SGCZ: variants seen among roughly 807,000 people sequenced by gnomAD.
SGCZ encodes the protein zeta-sarcoglycan.
In SGCZ, 40 loss-of-function variants were observed where a neutral mutation model predicts 41.3. The ratio of observed to expected loss-of-function variants is 0.97; its 90% CI spans 0.75 to 1.26. SGCZ has a LOEUF of 1.26. Ranked by LOEUF, SGCZ falls within the 50% of genes most tolerant of loss-of-function variation. The probability of loss-of-function intolerance (pLI) is 0.00; values close to 1 mark genes in which losing one functional copy is unlikely to be tolerated. For synonymous variants in SGCZ, 206 were observed against 137.5 expected (o/e 1.50, Z -3.49); for missense variants, 552 against 369.8 (o/e 1.49, Z -4.04).
chr8:14,394,848 C>G (rs1798862541), intron 2 of SGCZ, among the ~76,000 whole-genome samples: 1 of 152,024 alleles, frequency 6.6e-6, no homozygotes, highest in Non-Finnish European at 1.5e-5. Context: ...AATGTTGGAA[C>G]CATTCATGCT....
chr8:15,142,959 C>G (rs1798934951), intron 1 of SGCZ, among the ~76,000 whole-genome samples: 1 of 152,068 alleles, frequency 6.6e-6, no homozygotes, highest in African/African-American at 2.4e-5. Flanking sequence ...TTTTATGGTA[C>G]ACTGAAAAAT....
intron 2 of SGCZ, among the ~76,000 whole-genome samples, chr8:14,388,324 C>G (rs1371648472): frequency 6.6e-6 from 1 of 151,990 alleles, no homozygotes; most frequent in African/African-American, 2.4e-5. Flanking sequence ...GGCCTAGGAG[C>G]TGGGCATCTG....
chr8:14,897,229 T>C (rs191743886), intron 1 of SGCZ, among the ~76,000 whole-genome samples: 104 of 152,296 alleles, frequency 6.8e-4, no homozygotes, highest in Non-Finnish European at 1.1e-3. Flanking sequence ...TCAAAGGAAA[T>C]GGTTGGTGAA....
At position 14,956,893 on chromosome 8, in the gene SGCZ, A is replaced by G. The variant is rs1378203172; in HGVS notation, c.39+280692T>C. Among the ~76,000 whole-genome samples the G allele has an allele frequency of 2.6e-5, 4 of 152,280 alleles. No individual in the cohort carries two copies. In the East Asian group the frequency reaches 5.8e-4, roughly 22 times the overall value. On this transcript the variant is annotated intron_variant, in intron 1 of 7. Coordinates refer to ENST00000382080, the MANE Select transcript of SGCZ (RefSeq NM_139167.4). ...TTTTACCTTTTGTCTGGTATTTGGA[A>G]CTGGCAGTCCTTTTTAATTGACAGC...
chr8:15,199,492 T>C (rs559704523), intron 1 of SGCZ, among the ~76,000 whole-genome samples: 114 of 152,300 alleles, frequency 7.5e-4, no homozygotes, highest in African/African-American at 2.4e-3. Context: ...CTCAAAATCA[T>C]TGTCACTCTG....
chr8:14,602,122 AAAAATAAAATAAAATAAT>A (rs1255232878), intron 1 of SGCZ, among the ~76,000 whole-genome samples: 2 of 151,962 alleles, frequency 1.3e-5, no homozygotes, highest in African/African-American at 4.8e-5. Context: ...TCCGTCTGAA[AAAAATAAAATAAAATAAT>A]AAAATAAAAT....
intron 1 of SGCZ, among the ~76,000 whole-genome samples, chr8:14,782,529 C>G (rs1002668507): frequency 6.6e-6 from 1 of 152,136 alleles, no homozygotes; most frequent in Non-Finnish European, 1.5e-5. Context: ...ATAGTCAAAG[C>G]ATTTTGCAGA....
chr8:14,506,416 C>G (rs190516716), intron 2 of SGCZ, among the ~76,000 whole-genome samples: 2 of 152,114 alleles, frequency 1.3e-5, no homozygotes, highest in East Asian at 3.9e-4. Context: ...CATCATTTCC[C>G]CTCTCTACGG....
At chr8:14,595,400 A>AACAGACAC (rs1554459943) in intron 1 of SGCZ, among the ~76,000 whole-genome samples, 10 of 136,316 alleles carry the variant, frequency 7.3e-5, no homozygotes, top group Non-Finnish European at 1.4e-4. Flanking sequence ...AACATGCACA[A>AACAGACAC]ACACACACAC....
At chr8:14,373,814 A>C (rs1804003126) in intron 2 of SGCZ, among the ~76,000 whole-genome samples, 1 of 152,004 alleles carries the variant, frequency 6.6e-6, no homozygotes, top group African/African-American at 2.4e-5. Flanking sequence ...ATAGCAGAGA[A>C]CTGGAATGAA....
At chr8:14,955,274 G>A (rs542686269) in intron 1 of SGCZ, among the ~76,000 whole-genome samples, 121 of 152,256 alleles carry the variant, frequency 7.9e-4, no homozygotes, top group Middle Eastern at 6.8e-3. Flanking sequence ...ATGTTGATGT[G>A]TGTAGCTATA....
At chr8:14,565,696 C>G (rs1202146235) in intron 1 of SGCZ, among the ~76,000 whole-genome samples, 2 of 152,036 alleles carry the variant, frequency 1.3e-5, no homozygotes, top group Admixed American at 1.3e-4. Flanking sequence ...AACAAGAAAA[C>G]ATATTTGAAA....
intron 7 of SGCZ, among the ~76,000 whole-genome samples, chr8:14,095,226 C>CTAAGT (rs1801806767): frequency 6.6e-6 from 1 of 152,068 alleles, no homozygotes; most frequent in Non-Finnish European, 1.5e-5. Context: ...ATGGCATTGC[C>CTAAGT]TAAGTTTTCT....
Position 14,668,125 on chromosome 8 carries a change from ATTG to A in SGCZ, c.40-113202_40-113200del, listed in dbSNP as rs1393841858. On this transcript the variant is annotated intron_variant, in intron 1 of 7. Transcript: ENST00000382080. ...GCACCCCCGCCACCACACCCAGCTAATTGTTGTATTTTTAGTAGAGACGGGGGA... is the reference window on the plus strand; with the variant it reads ...GCACCCCCGCCACCACACCCAGCTAATTGTATTTTTAGTAGAGACGGGGGA... 3.9e-5 allele frequency among the ~76,000 whole-genome samples: 6 copies of A among 151,980 alleles called. No individual in the cohort carries two copies. The East Asian group carries it at 5.8e-4, about 15-fold the overall frequency.
intron 2 of SGCZ, among the ~76,000 whole-genome samples, chr8:14,545,674 G>T (rs1803604125): frequency 1.3e-5 from 2 of 151,994 alleles, no homozygotes; most frequent in Admixed American, 1.3e-4. Context: ...TAATTTTCTG[G>T]ACTTCTGTCA....
Position 14,918,965 on chromosome 8 carries a change from G to C in SGCZ, c.39+318620C>G, listed in dbSNP as rs370655505. Among the ~76,000 whole-genome samples the C allele has an allele frequency of 2.0e-4, 31 of 152,252 alleles. No homozygotes were observed. The East Asian group carries it at 6.0e-3, about 29-fold the overall frequency. On this transcript the variant is annotated intron_variant, in intron 1 of 7. Coordinates refer to ENST00000382080, the MANE Select transcript of SGCZ (RefSeq NM_139167.4). ...AGCATAGACCCTGAAGGAAGACTGG[G>C]GGGTTTCAAAACCTCTCCCAAGGTG...
intron 2 of SGCZ, among the ~76,000 whole-genome samples, chr8:14,393,655 TCTC>T (rs78119041): frequency 0.18 from 27,522 of 151,986 alleles, 3,151 homozygotes; most frequent in Non-Finnish European, 0.27. Context: ...TGTTTCTCTT[TCTC>T]CTCTCTTCTG....
chr8:14,631,444 A>T (rs2117398608), intron 1 of SGCZ, among the ~76,000 whole-genome samples: 1 of 152,048 alleles, frequency 6.6e-6, no homozygotes, highest in South Asian at 2.1e-4. Context: ...GCCATAGTGG[A>T]GGTATCTACA....
intron 1 of SGCZ, among the ~76,000 whole-genome samples, chr8:14,711,057 A>G (rs1197944672): frequency 6.6e-6 from 1 of 152,176 alleles, no homozygotes; most frequent in African/African-American, 2.4e-5. Flanking sequence ...AAATGTTCAA[A>G]TTAATTAAGA....
Sources: allele counts gnomAD v4.1 joint callset (sites outside exome capture counted in the v4.1 genomes callset), GRCh38; gene constraint gnomAD v4.1.1; transcripts MANE v1.5; gene names NCBI Gene and HGNC (gene_info 2026-07-23, HGNC 2026-07-21).